Variants in DHX9 observed in about 807,000 individuals in gnomAD.
DHX9 encodes ATP-dependent RNA helicase A.
DHX9 carries 27 observed loss-of-function variants against 148.7 expected under a neutral mutation model. The observed-to-expected ratio is 0.18, with a 90% confidence interval of 0.13 to 0.25. The LOEUF (loss-of-function observed/expected upper bound fraction) is 0.25, where lower values mean the gene tolerates loss of function less well. DHX9 is among the 10% of genes least tolerant of loss of function. DHX9 has a pLI of 1.00. For synonymous variants in DHX9, 529 were observed against 516.6 expected, an observed-to-expected ratio of 1.02 and a Z score of -0.33; for missense variants, 796 against 1,559.6, an observed-to-expected ratio of 0.51 and a Z score of 8.25.
intron 3 of DHX9, among the ~76,000 whole-genome samples, chr1:182,848,777 T>C (rs1668077264): frequency 6.6e-6 from 1 of 152,190 alleles, no homozygotes; most frequent in African/African-American, 2.4e-5. Context: ...GGAATCTGCT[T>C]GACTTCTGAA....
At chr1:182,858,511 A>T in intron 8 of DHX9, 40 bp from the exon 9 acceptor site, 1 of 1,521,304 alleles carries the variant, frequency 6.6e-7, no homozygotes, top group South Asian at 1.2e-5. Flanking sequence ...ATTATAGTAG[A>T]TTTGAGTAGT....
intron 3 of DHX9, among the ~76,000 whole-genome samples, chr1:182,851,444 CA>C (rs1041944069): frequency 5.9e-5 from 9 of 152,080 alleles, no homozygotes; most frequent in African/African-American, 2.2e-4. Context: ...TACTATTGCA[CA>C]AAAAACAGCT....
intron 14 of DHX9, among the ~76,000 whole-genome samples, chr1:182,868,396 T>A (rs1571313040): frequency 1.3e-5 from 2 of 151,996 alleles, no homozygotes; most frequent in South Asian, 2.1e-4. Context: ...CAAAAAAAAA[T>A]TTAACTGTTA....
chr1:182,859,420 T>C (rs1230719513), intron 11 of DHX9, among the ~76,000 whole-genome samples: 1 of 152,208 alleles, frequency 6.6e-6, no homozygotes, highest in Non-Finnish European at 1.5e-5. Context: ...TTAAAAAGAA[T>C]GCGTGTGCGA....
intron 6 of DHX9, 100 bp from the exon 7 acceptor site, chr1:182,856,428 TGTGA>T: frequency 6.8e-6 from 6 of 886,862 alleles, no homozygotes; most frequent in East Asian, 2.4e-5. Context: ...TTTTTTTTTC[TGTGA>T]TTTGCCTAAG....
intron 22 of DHX9, among the ~76,000 whole-genome samples, 180 bp from the exon 23 acceptor site, chr1:182,881,084 A>AT (rs1649065269): frequency 6.6e-6 from 1 of 152,306 alleles, no homozygotes; most frequent in South Asian, 2.1e-4. Flanking sequence ...GCATCAGAGC[A>AT]TTTTTTTCTT....
At chr1:182,868,522 T>C (rs1285872400) in intron 14 of DHX9, among the ~76,000 whole-genome samples, 4 of 145,218 alleles carry the variant, frequency 2.8e-5, no homozygotes, top group Admixed American at 2.0e-4. Flanking sequence ...TTTAATTCCT[T>C]TTTTTTTTTT....
chr1:182,846,967 T>C (rs1237176552), intron 3 of DHX9, among the ~76,000 whole-genome samples: 1 of 152,162 alleles, frequency 6.6e-6, no homozygotes, highest in African/African-American at 2.4e-5. Flanking sequence ...TCAGATTCTT[T>C]GATAGTTTTT....
intron 3 of DHX9, among the ~76,000 whole-genome samples, chr1:182,850,833 TTC>T (rs1207862390): frequency 2.6e-5 from 4 of 152,214 alleles, no homozygotes; most frequent in African/African-American, 9.7e-5. Flanking sequence ...CTGTGACACT[TTC>T]AATACTCTTA....
intron 12 of DHX9, among the ~76,000 whole-genome samples, chr1:182,865,513 T>A (rs1648256430): frequency 6.6e-6 from 1 of 152,212 alleles, no homozygotes; most frequent in South Asian, 2.1e-4. Flanking sequence ...TAAATAAGAT[T>A]ATTAAAAGGA....
At chr1:182,883,787 A>G (rs963514334) in intron 26 of DHX9, 152 bp downstream of exon 26, 3 of 481,852 alleles carry the variant, frequency 6.2e-6, no homozygotes, top group African/African-American at 3.9e-5. Flanking sequence ...GTAGAAGCAA[A>G]TGCATTAGGA....
At chr1:182,876,775 C>A in intron 18 of DHX9, 55 bp from the exon 19 acceptor site, 1 of 1,374,646 alleles carries the variant, frequency 7.3e-7, no homozygotes, top group Non-Finnish European at 1.0e-6. Flanking sequence ...CAAATCAGTC[C>A]TTTTAAGTAA....
At chr1:182,841,570 C>T (rs1414432784) in intron 1 of DHX9, among the ~76,000 whole-genome samples, 2 of 152,216 alleles carry the variant, frequency 1.3e-5, no homozygotes, top group Non-Finnish European at 2.9e-5. Context: ...ACTGTGGCCA[C>T]TCAGACGTAA....
chr1:182,861,591 A>G (rs980719725), intron 12 of DHX9, among the ~76,000 whole-genome samples: 1 of 152,214 alleles, frequency 6.6e-6, no homozygotes, highest in Non-Finnish European at 1.5e-5. Flanking sequence ...AAGAAGCAGA[A>G]TTTAACAAGC....
intron 3 of DHX9, among the ~76,000 whole-genome samples, chr1:182,849,080 A>G (rs1668084435): frequency 1.3e-5 from 2 of 152,352 alleles, no homozygotes; most frequent in African/African-American, 2.4e-5. Context: ...AACTGTTACC[A>G]GCTACCATCT....
intron 12 of DHX9, among the ~76,000 whole-genome samples, chr1:182,862,922 T>G (rs1668388770): frequency 6.6e-6 from 1 of 152,214 alleles, no homozygotes; most frequent in South Asian, 2.1e-4. Flanking sequence ...TAGAGCTACT[T>G]CAGTTAAAGC....
At chr1:182,861,607 G>A (rs1171924515) in intron 12 of DHX9, among the ~76,000 whole-genome samples, 2 of 152,206 alleles carry the variant, frequency 1.3e-5, no homozygotes, top group Non-Finnish European at 2.9e-5. Context: ...CAAGCGAGCT[G>A]TGAAGACAGG....
At position 182,856,568 on chromosome 1, in the gene DHX9, G is replaced by A. The variant is rs200615915; in HGVS notation, c.663G>A (p.Gln221=). 6.8e-6 allele frequency: 11 copies of A among 1,613,984 alleles called. No individual in the cohort carries two copies. Among genetic ancestry groups the A allele is most frequent in the African/African-American group, 1.3e-5 (1 of 75,054 alleles). ...FIAEMTIYIK[Q]LGRRIFAREH... is the part of the protein sequence containing the mutation. ...CAGAAATGACCATTTATATCAAGCA[G>A]CTGGGCAGAAGTAAGTGTTACTGTT... The change falls in exon 7 of 28, where the codon CAG becomes CAA. Residue 221 remains glutamine (Q), a synonymous_variant. Coordinates refer to ENST00000367549, the MANE Select transcript of DHX9 (RefSeq NM_001357.5).
rs566652753 is a variant in DHX9 at position 182,881,784 on chromosome 1, G to C, written c.2914+137G>C. On this transcript the variant is annotated intron_variant, in intron 24 of 27. Transcript: ENST00000367549. ...TATTCCCGACTATTTCTTAGTTCTC[G>C]TGAACACTGGTCTAGTTCCCAGAAT... The C allele has an allele frequency of 6.5e-5, 58 of 886,056 alleles. 1 individual carries two copies. In the African/African-American group the frequency reaches 8.9e-4, roughly 14 times the overall value. 54.9% of individuals were successfully genotyped at this position (886,056 alleles called of 1,614,324 possible).
Sources: allele counts gnomAD v4.1 joint callset (sites outside exome capture counted in the v4.1 genomes callset), GRCh38; gene constraint gnomAD v4.1.1; transcripts MANE v1.5; gene names NCBI Gene and HGNC (gene_info 2026-07-23, HGNC 2026-07-21).